ARPC1B: variants seen among roughly 807,000 people sequenced by gnomAD.
ARPC1B encodes actin related protein 2/3 complex subunit 1B.
Under a neutral mutation model 46.0 loss-of-function variants are expected in ARPC1B, and 29 were observed. The observed-to-expected ratio is 0.63, with a 90% CI of 0.47 to 0.86. The LOEUF is 0.86. ARPC1B is among the 40% of genes least tolerant of loss of function. ARPC1B has a pLI of 0.00. For missense variants in ARPC1B, 469 were observed against 529.4 expected (o/e 0.89, Z 1.12); for synonymous variants, 201 against 213.9 (o/e 0.94, Z 0.53).
At chr7:99,392,623 C>G in intron 7 of ARPC1B, 48 bp from the exon 8 acceptor site, 1 of 1,424,496 alleles carries the variant, frequency 7.0e-7, no homozygotes, top group Non-Finnish European at 9.2e-7. Context: ...TCCCTCCGGC[C>G]TCGGTTTCCC....
At chr7:99,376,064 A>G (rs1281660806) in intron 1 of ARPC1B, among the ~76,000 whole-genome samples, 2 of 139,508 alleles carry the variant, frequency 1.4e-5, no homozygotes, top group East Asian at 4.2e-4. Context: ...TCCGTCTCAA[A>G]AAAAAAAAAA....
At chr7:99,377,224 C>A (rs925880976) in intron 1 of ARPC1B, 11 of 151,996 alleles carry the variant, frequency 7.2e-5, no homozygotes, top group African/African-American at 2.7e-4. Context: ...GCCTCAAACT[C>A]CTGGCCTTAA....
At chr7:99,375,522 C>G (rs1008315425) in intron 1 of ARPC1B, among the ~76,000 whole-genome samples, 6 of 152,128 alleles carry the variant, frequency 3.9e-5, no homozygotes, top group African/African-American at 1.4e-4. Context: ...CCGCCTAGGG[C>G]GGGGCGGGGC....
At chr7:99,394,176 C>CA (rs1285838444) in intron 9 of ARPC1B, 57 bp downstream of exon 9, 2 of 1,560,854 alleles carry the variant, frequency 1.3e-6, no homozygotes, top group African/African-American at 2.7e-5. Flanking sequence ...CCTTTCCCCC[C>CA]ATCCCCACTC....
chr7:99,392,342 TGGG>T (rs1794594773), intron 7 of ARPC1B, among the ~76,000 whole-genome samples: 1 of 152,094 alleles, frequency 6.6e-6, no homozygotes, highest in Non-Finnish European at 1.5e-5. Flanking sequence ...GCAAACATAA[TGGG>T]GGTGCCAGGG....
At chr7:99,382,674 G>A (rs932156089) in intron 1 of ARPC1B, among the ~76,000 whole-genome samples, 2 of 151,878 alleles carry the variant, frequency 1.3e-5, no homozygotes, top group Admixed American at 1.3e-4. Flanking sequence ...GGGTCTCACT[G>A]TATCGCCCAT....
At chr7:99,383,913 G>C (rs1454096156) in intron 1 of ARPC1B, 4 of 152,258 alleles carry the variant, frequency 2.6e-5, no homozygotes, top group African/African-American at 9.7e-5. Flanking sequence ...TCTGCTTCCA[G>C]CTCTCAGCAT....
chr7:99,381,125 C>T (rs1021497981), intron 1 of ARPC1B, among the ~76,000 whole-genome samples: 8 of 152,278 alleles, frequency 5.3e-5, no homozygotes, highest in African/African-American at 7.2e-5. Flanking sequence ...TGGCTGAGGG[C>T]GCTGAGATGG....
intron 3 of ARPC1B, among the ~76,000 whole-genome samples, 189 bp from the exon 4 acceptor site, chr7:99,387,849 GA>G (rs1404057050): frequency 2.6e-5 from 4 of 151,462 alleles, no homozygotes; most frequent in Admixed American, 1.3e-4. Flanking sequence ...GCAGTGAGCT[GA>G]GATCATGCCA....
chr7:99,374,853 G>T lies in ARPC1B; in HGVS notation c.-14+72G>T. ...TGGAGGTGGGGGGGCGCGTAGATGT[G>T]GGGCGCCGCCTGGGAGTGAGCGGGA... On this transcript the variant is annotated intron_variant, in intron 1 of 9. Coordinates refer to ENST00000646101, the MANE Select transcript of ARPC1B (RefSeq NM_005720.4). This position sits in a 1 kb window ranked among gnomAD's most constrained non-coding sequence, Gnocchi z 5.0. 6.6e-6 allele frequency: 1 copy of T among 152,226 alleles called. No individual in the cohort carries two copies. Among genetic ancestry groups the T allele is most frequent in the Non-Finnish European group, 1.5e-5 (1 of 68,154 alleles). 9.4% of individuals were successfully genotyped at this position (152,226 alleles called of 1,614,324 possible).
Position 99,387,716 on chromosome 7 carries a change from G to A in ARPC1B, c.170-323G>A, listed in dbSNP as rs553386172. 3.3e-3 allele frequency among the ~76,000 whole-genome samples: 486 copies of A among 148,922 alleles called. 2 individuals carry two copies. Among genetic ancestry groups the A allele is most frequent in the African/African-American group, 0.011 (456 of 39,844 alleles). On this transcript the variant is annotated intron_variant, in intron 3 of 9. Coordinates refer to ENST00000646101, the MANE Select transcript of ARPC1B (RefSeq NM_005720.4). ...CGTGCCAGTGCACTCCAGCTTGGGC[G>A]GCTGAGCGAGACTCTGTCTCAAAAA...
At chr7:99,385,833 CCAGCCAGAGCACACATGGGGACTCTGGAG>C in intron 2 of ARPC1B, 55 bp downstream of exon 2, 1 of 1,538,278 alleles carries the variant, frequency 6.5e-7, no homozygotes, top group South Asian at 1.2e-5. Flanking sequence ...GGGATGGGGA[CCAGCCAGAGCACACATGGGGACTCTGGAG>C]CAGCCAGGCC....
At chr7:99,387,558 T>C (rs912485002) in intron 3 of ARPC1B, among the ~76,000 whole-genome samples, 1 of 152,014 alleles carries the variant, frequency 6.6e-6, no homozygotes, top group Admixed American at 6.6e-5. Context: ...GTCAACATGG[T>C]GAAACCTCAT....
At chr7:99,383,349 T>G (rs951711686) in intron 1 of ARPC1B, among the ~76,000 whole-genome samples, 3 of 152,096 alleles carry the variant, frequency 2.0e-5, no homozygotes, top group Non-Finnish European at 2.9e-5. Flanking sequence ...ACACACACGT[T>G]TCTGAGAACG....
rs369266230 is a variant in ARPC1B at position 99,387,828 on chromosome 7, A to T, written c.170-211A>T. Among the ~76,000 whole-genome samples the T allele has an allele frequency of 1.8e-4, 26 of 148,018 alleles. No individual in the cohort carries two copies. In the East Asian group the frequency reaches 4.0e-3, roughly 23 times the overall value. ...GGCACGAGGATTGCTTGAACCTGGGAGGCAGAGGCTGCAGTGAGCTGAGAT... is the reference window on the plus strand; with the variant it reads ...GGCACGAGGATTGCTTGAACCTGGGTGGCAGAGGCTGCAGTGAGCTGAGAT... On this transcript the variant is annotated intron_variant, in intron 3 of 9. Coordinates refer to ENST00000646101, the MANE Select transcript of ARPC1B (RefSeq NM_005720.4).
Position 99,388,034 on chromosome 7 carries a change from C to T in ARPC1B, c.170-5C>T. On this transcript the variant is annotated splice_polypyrimidine_tract_variant and splice_region_variant and intron_variant, in intron 3 of 9. Transcript: ENST00000646101. Reference sequence around the variant, plus strand: ...GCCTCCTGTGTTCCCTCCATCCCCCCACAGGCATCGACTGGGCCCCCGAGA... The same window carrying T: ...GCCTCCTGTGTTCCCTCCATCCCCCTACAGGCATCGACTGGGCCCCCGAGA... 6.3e-7 allele frequency: 1 copy of T among 1,591,296 alleles called. No individual in the cohort carries two copies.
Position 99,394,068 on chromosome 7 carries a change from G to C in ARPC1B, c.1029G>C (p.Ser343=), listed in dbSNP as rs771507251. ...TCAGCGGCGGCAAGGCCAAGTGCTCGCAGTTCTGCACCACTGGCATGGATG... is the reference window on the plus strand; with the variant it reads ...TCAGCGGCGGCAAGGCCAAGTGCTCCCAGTTCTGCACCACTGGCATGGATG... ...SVLSGGKAKC[S]QFCTTGMDGG... The change falls in exon 9 of 10, where the codon TCG becomes TCC. Residue 343 remains serine (S), a synonymous_variant. Coordinates refer to ENST00000646101, the MANE Select transcript of ARPC1B (RefSeq NM_005720.4). 6.2e-7 allele frequency: 1 copy of C among 1,613,556 alleles called. No individual in the cohort carries two copies. The highest frequency in any genetic ancestry group is 1.1e-5 in the South Asian group (1 of 91,084).
chr7:99,383,032 A>G (rs895288736), intron 1 of ARPC1B, among the ~76,000 whole-genome samples: 2 of 151,596 alleles, frequency 1.3e-5, no homozygotes, highest in African/African-American at 4.9e-5. Context: ...TTTAGTAGAG[A>G]CAGTCTTTCA....
chr7:99,391,294 AG>A (rs1277651758), intron 7 of ARPC1B, 41 bp downstream of exon 7: 10 of 1,593,172 alleles, frequency 6.3e-6, no homozygotes, highest in Middle Eastern at 1.8e-4. Flanking sequence ...TGGTCACAGC[AG>A]GCCTCCGAGA....
Sources: gnomAD v4.1 joint callset for allele counts (sites outside exome capture counted in the v4.1 genomes callset) on GRCh38, gnomAD v4.1.1 for gene constraint, Gnocchi (gnomAD v3.1) non-coding constraint, MANE v1.5 for transcripts, NCBI Gene and HGNC (gene_info 2026-07-23, HGNC 2026-07-21) for gene names.